Variants in LDLRAP1 observed in about 807,000 individuals in gnomAD.
LDLRAP1 encodes the protein low density lipoprotein receptor adaptor protein 1, also known as low density lipoprotein receptor adapter protein 1.
A neutral mutation model predicts 37.8 loss-of-function variants in LDLRAP1; 30 were observed. The observed-to-expected ratio is 0.79, with a 90% CI of 0.59 to 1.08. LDLRAP1 has a LOEUF of 1.08. Ranked by LOEUF, LDLRAP1 falls within the 50% of genes least tolerant of loss-of-function variation. The pLI, the probability that LDLRAP1 is intolerant of heterozygous loss-of-function variation, is 0.00. For missense variants in LDLRAP1, 375 were observed against 401.6 expected (o/e 0.93, Z 0.57); for synonymous variants, 156 against 169.8 (o/e 0.92, Z 0.63).
chr1:25,544,281 C>T lies in LDLRAP1; in HGVS notation c.88+495C>T, dbSNP rs2043877616. On this transcript the variant is annotated intron_variant, in intron 1 of 8. Transcript: ENST00000374338. This position sits in a 1 kb window ranked among gnomAD's most constrained non-coding sequence, Gnocchi z 4.8. ...TTCTCCCGCCCCCTGCCCGACCCAC[C>T]GGGCCAACTTTTGACTCCGGGTGCC... Among the ~76,000 whole-genome samples the T allele has an allele frequency of 1.3e-5, 2 of 152,184 alleles. No homozygotes were observed. Among genetic ancestry groups the T allele is most frequent in the African/African-American group, 4.8e-5 (2 of 41,460 alleles).
intron 7 of LDLRAP1, 38 bp downstream of exon 7, chr1:25,563,829 G>T (rs373524196): frequency 4.3e-6 from 7 of 1,612,118 alleles, no homozygotes; most frequent in African/African-American, 1.3e-5. Flanking sequence ...GTGATCCTCA[G>T]CCTGACCTCT....
intron 4 of LDLRAP1, among the ~76,000 whole-genome samples, chr1:25,559,828 G>T (rs982758831): frequency 1.3e-5 from 2 of 152,212 alleles, no homozygotes; most frequent in Admixed American, 1.3e-4. Context: ...CGCACCTGCT[G>T]GCAGCTCCGC....
downstream of LDLRAP1, among the ~76,000 whole-genome samples, chr1:25,573,179 C>G (rs1166537952): frequency 1.3e-5 from 2 of 152,160 alleles, no homozygotes; most frequent in Non-Finnish European, 2.9e-5. Context: ...GGGGAGGAGA[C>G]AAGTTGTGTC....
the LDLRAP1 span, among the ~76,000 whole-genome samples, chr1:25,586,583 CGCGTGT>C: frequency 1.4e-5 from 2 of 147,732 alleles, no homozygotes; most frequent in African/African-American, 5.2e-5. This position sits in a 1 kb window ranked among gnomAD's most constrained non-coding sequence, Gnocchi z 4.3. Context: ...TGCGTGTGCG[CGCGTGT>C]GTGTGTGTGT....
chr1:25,585,418 T>C, the LDLRAP1 span, among the ~76,000 whole-genome samples: 6 of 151,596 alleles, frequency 4.0e-5, no homozygotes, highest in African/African-American at 7.3e-5. Context: ...CTCCACCTCC[T>C]GGGTTCACGT....
chr1:25,587,729 G>A, the LDLRAP1 span, among the ~76,000 whole-genome samples: 2 of 152,150 alleles, frequency 1.3e-5, no homozygotes, highest in African/African-American at 4.8e-5. Flanking sequence ...AAGAGTTACT[G>A]AGAACTGCTA....
At chr1:25,561,606 G>T (rs1250501585) in intron 4 of LDLRAP1, among the ~76,000 whole-genome samples, 1 of 152,106 alleles carries the variant, frequency 6.6e-6, no homozygotes, top group Non-Finnish European at 1.5e-5. Context: ...GATGTTTCCG[G>T]CTATAGCTAC....
the LDLRAP1 span, among the ~76,000 whole-genome samples, chr1:25,581,034 C>A: frequency 6.6e-6 from 1 of 152,146 alleles, no homozygotes; most frequent in Non-Finnish European, 1.5e-5. Context: ...AAGGGCCTGT[C>A]TAGACTGAGT....
the LDLRAP1 span, among the ~76,000 whole-genome samples, chr1:25,580,348 C>A: frequency 6.6e-6 from 1 of 152,072 alleles, no homozygotes; most frequent in Non-Finnish European, 1.5e-5. Context: ...CCACTGCACT[C>A]CAGCCTGGGT....
the LDLRAP1 span, among the ~76,000 whole-genome samples, chr1:25,580,864 G>C: frequency 6.6e-6 from 1 of 152,116 alleles, no homozygotes; most frequent in Non-Finnish European, 1.5e-5. Flanking sequence ...TATAGATGGG[G>C]ACCAGGCTCT....
Position 25,563,073 on chromosome 1 carries a change from AAGAG to A in LDLRAP1, c.538_541del (p.Glu180ArgfsTer23). 1 of 1,614,036 alleles carries A rather than the reference AAGAG, an allele frequency of 6.2e-7. No homozygotes were observed. Among genetic ancestry groups the A allele is most frequent in the Non-Finnish European group, 8.5e-7 (1 of 1,179,944 alleles). On this transcript the variant is annotated frameshift_variant, in exon 6 of 9. Coordinates refer to ENST00000374338, the MANE Select transcript of LDLRAP1 (RefSeq NM_015627.3). LOFTEE classifies it high-confidence loss of function. ...ATGTTGTGCCTTGGTCCTGCAGAGA[AAGAG>A]AAGAGGGACAAAGCCAGCCAAGAGG...
rs1557701950 is a variant in LDLRAP1 at position 25,555,979 on chromosome 1, CG to C, written c.344+1009del. ...ATCCCGGAAGGCCTCCCAGGGGAGG[CG>C]GCACCTTGCTGGGGCTTGAAGAATA... On this transcript the variant is annotated intron_variant, in intron 3 of 8. Transcript: ENST00000374338. The surrounding 1 kb of genome is among the most constrained non-coding windows in gnomAD (Gnocchi z 4.7). 3.9e-5 allele frequency among the ~76,000 whole-genome samples: 6 copies of C among 152,104 alleles called. No individual in the cohort carries two copies. The South Asian group carries it at 1.2e-3, about 32-fold the overall frequency.
intron 6 of LDLRAP1, 79 bp downstream of exon 6, chr1:25,563,232 G>T: frequency 8.4e-7 from 1 of 1,191,942 alleles, no homozygotes; most frequent in East Asian, 2.3e-5. Flanking sequence ...ACTCCTGCCT[G>T]GGCTGGGAGA....
At chr1:25,569,734 T>C (rs1259446919), downstream of LDLRAP1, among the ~76,000 whole-genome samples, 1 of 152,236 alleles carries the variant, frequency 6.6e-6, no homozygotes, top group Non-Finnish European at 1.5e-5. Context: ...TGCTGAGCTC[T>C]GCACCATATT....
intron 1 of LDLRAP1, among the ~76,000 whole-genome samples, chr1:25,547,774 G>A (rs140775282): frequency 7.2e-5 from 11 of 152,282 alleles, no homozygotes; most frequent in Admixed American, 2.0e-4. Flanking sequence ...GGATAAGGGC[G>A]GCCACTGACA....
chr1:25,587,190 C>T, the LDLRAP1 span, among the ~76,000 whole-genome samples: 13 of 152,144 alleles, frequency 8.5e-5, no homozygotes, highest in Middle Eastern at 3.4e-3. Context: ...CTCACTCTGT[C>T]GCCCAGCCTG....
chr1:25,547,993 G>T (rs1175990137), intron 1 of LDLRAP1, among the ~76,000 whole-genome samples: 1 of 152,230 alleles, frequency 6.6e-6, no homozygotes, highest in African/African-American at 2.4e-5. Context: ...TGCCCACTGA[G>T]GGTCAGATAC....
At chr1:25,566,493 A>C (rs538496271) in intron 8 of LDLRAP1, among the ~76,000 whole-genome samples, 1 of 152,282 alleles carries the variant, frequency 6.6e-6, no homozygotes, top group South Asian at 2.1e-4. Flanking sequence ...TTATAGCCAA[A>C]GAATCTTCCG....
In LDLRAP1 at chr1:25,567,168, G is replaced by A. The variant is rs2044506347; in HGVS notation, c.*176G>A. The A allele has an allele frequency of 5.4e-6, 4 of 735,322 alleles. No homozygotes were observed. The highest frequency in any genetic ancestry group is 9.1e-6 in the Non-Finnish European group (4 of 438,062). The allele number at this position is 735,322 out of a possible 1,614,324, so 45.5% of individuals were successfully genotyped here. ...GGGAGAGATTTTTCTTTTAAGCCCTGCTCTTTCTCTGAGAACCAAAAGATG... is the reference window on the plus strand; with the variant it reads ...GGGAGAGATTTTTCTTTTAAGCCCTACTCTTTCTCTGAGAACCAAAAGATG... On this transcript the variant is annotated 3_prime_UTR_variant, in exon 9 of 9. Transcript: ENST00000374338.
Sources: allele counts gnomAD v4.1 joint callset (sites outside exome capture counted in the v4.1 genomes callset), GRCh38; gene constraint gnomAD v4.1.1; non-coding constraint Gnocchi (gnomAD v3.1); transcripts MANE v1.5; gene names NCBI Gene and HGNC (gene_info 2026-07-23, HGNC 2026-07-21).